The following ILKAP variants were observed in gnomAD, a reference collection of about 807,000 sequenced individuals.
ILKAP encodes ILK associated serine/threonine phosphatase, also known as integrin-linked kinase-associated serine/threonine phosphatase 2C.
A neutral mutation model predicts 49.1 loss-of-function variants in ILKAP; 11 were observed. That is an observed-to-expected ratio of 0.22 (90% CI 0.14 to 0.37). The LOEUF (loss-of-function observed/expected upper bound fraction) is 0.37. ILKAP is among the 10% of genes least tolerant of loss of function. The pLI is 1.00. For synonymous variants in ILKAP, 186 were observed against 192.8 expected (o/e 0.96, Z 0.29); for missense variants, 363 against 510.8 (o/e 0.71, Z 2.79).
chr2:238,178,625 G>C (rs1693567661), intron 9 of ILKAP, among the ~76,000 whole-genome samples: 3 of 152,156 alleles, frequency 2.0e-5, no homozygotes. Context: ...CGTTAAATAT[G>C]AGTAAGAAAT....
At chr2:238,194,637 C>T in intron 2 of ILKAP, 168 bp downstream of exon 2, 1 of 670,580 alleles carries the variant, frequency 1.5e-6, no homozygotes, top group South Asian at 2.1e-5. Context: ...TAGCGACTAG[C>T]AGATTTTTCT....
At chr2:238,181,401 G>A (rs6431587) in intron 9 of ILKAP, among the ~76,000 whole-genome samples, 20,931 of 152,216 alleles carry the variant, frequency 0.14, 1,725 homozygotes, top group Middle Eastern at 0.22. Context: ...GATAGAAGCA[G>A]ATAATAAAAC....
intron 4 of ILKAP, among the ~76,000 whole-genome samples, chr2:238,189,507 A>C (rs1408843709): frequency 1.3e-5 from 2 of 152,202 alleles, no homozygotes; most frequent in Non-Finnish European, 2.9e-5. Flanking sequence ...TCAAAGCACT[A>C]ATTGACAAAC....
intron 3 of ILKAP, among the ~76,000 whole-genome samples, chr2:238,193,650 T>C (rs1047939818): frequency 6.6e-6 from 1 of 152,226 alleles, no homozygotes; most frequent in Non-Finnish European, 1.5e-5. Flanking sequence ...AGAATTCTTA[T>C]ATAAGATGAC....
At chr2:238,187,629 T>G (rs183530569) in intron 5 of ILKAP, among the ~76,000 whole-genome samples, 3 of 152,310 alleles carry the variant, frequency 2.0e-5, no homozygotes, top group Non-Finnish European at 2.9e-5. Context: ...GGGCCCTGAT[T>G]ATCTGTACTA....
At chr2:238,175,089 G>T (rs902913250) in intron 9 of ILKAP, among the ~76,000 whole-genome samples, 2 of 151,854 alleles carry the variant, frequency 1.3e-5, no homozygotes, top group Non-Finnish European at 2.9e-5. Context: ...AGGACAATAT[G>T]AGCAGCACAG....
intron 1 of ILKAP, among the ~76,000 whole-genome samples, chr2:238,196,361 G>A (rs1256693549): frequency 6.6e-6 from 1 of 152,094 alleles, no homozygotes; most frequent in Non-Finnish European, 1.5e-5. Flanking sequence ...AAAGCGCTGG[G>A]ATTACAGGGG....
In ILKAP at chr2:238,200,694, C is replaced by T. The variant is rs550688358; in HGVS notation, c.55+2805G>A. Among the ~76,000 whole-genome samples, 4 of 152,254 alleles carry T rather than the reference C, an allele frequency of 2.6e-5. 1 individual carries two copies. In the South Asian group the frequency reaches 8.3e-4, roughly 32 times the overall value. ...AAAATTAGCTGGCTGTGGTGGTGCGCACCTGTAGTCCCAGCTACCAAGGAG... is the reference window on the plus strand; with the variant it reads ...AAAATTAGCTGGCTGTGGTGGTGCGTACCTGTAGTCCCAGCTACCAAGGAG... On this transcript the variant is annotated intron_variant, in intron 1 of 11. Coordinates refer to ENST00000254654, the MANE Select transcript of ILKAP (RefSeq NM_030768.3).
At chr2:238,194,651 T>C in intron 2 of ILKAP, 154 bp downstream of exon 2, 1 of 751,188 alleles carries the variant, frequency 1.3e-6, no homozygotes, top group Non-Finnish European at 2.2e-6. Context: ...TTTTTCTGCC[T>C]TACCTGATGC....
At chr2:238,186,865 T>C (rs1693929391) in intron 5 of ILKAP, 1 of 152,218 alleles carries the variant, frequency 6.6e-6, no homozygotes, top group Admixed American at 6.5e-5. Flanking sequence ...TCTTACTGCC[T>C]GTTATTTGCA....
chr2:238,175,115 A>G (rs529185186), intron 9 of ILKAP, among the ~76,000 whole-genome samples: 21 of 144,574 alleles, frequency 1.5e-4, no homozygotes, highest in African/African-American at 4.9e-4. Flanking sequence ...GCCATCTCTC[A>G]TTCTCTCTTT....
intron 3 of ILKAP, among the ~76,000 whole-genome samples, chr2:238,191,752 A>G (rs1033257826): frequency 2.6e-5 from 4 of 152,162 alleles, no homozygotes; most frequent in African/African-American, 9.7e-5. Context: ...TAATTAAAAT[A>G]CAAAAAATTA....
At chr2:238,182,243 T>C in intron 8 of ILKAP, 57 bp from the exon 9 acceptor site, 2 of 1,592,800 alleles carry the variant, frequency 1.3e-6, no homozygotes. Flanking sequence ...CATCTAAAGG[T>C]ACCAGTTGAA....
At chr2:238,198,760 T>C (rs1217393233) in intron 1 of ILKAP, among the ~76,000 whole-genome samples, 1 of 152,218 alleles carries the variant, frequency 6.6e-6, no homozygotes, top group Non-Finnish European at 1.5e-5. Context: ...GAGCTAAGTC[T>C]ACTGGAAGTT....
At chr2:238,173,752 G>T in intron 9 of ILKAP, 99 bp from the exon 10 acceptor site, 2 of 1,316,702 alleles carry the variant, frequency 1.5e-6, no homozygotes, top group Middle Eastern at 1.9e-4. Flanking sequence ...AAGTGTGAAA[G>T]ATACAGACTG....
chr2:238,181,167 A>G (rs1693676371), intron 9 of ILKAP, among the ~76,000 whole-genome samples: 1 of 152,252 alleles, frequency 6.6e-6, no homozygotes, highest in African/African-American at 2.4e-5. Context: ...GAGCAATAAA[A>G]AAGGCTTCCC....
chr2:238,187,504 G>GT (rs1283565268), intron 5 of ILKAP, among the ~76,000 whole-genome samples: 1 of 151,998 alleles, frequency 6.6e-6, no homozygotes, highest in Non-Finnish European at 1.5e-5. Context: ...CTACCTTCTG[G>GT]TTTTTTTCCA....
rs551510916 is a variant in ILKAP, at chr2:238,189,633, G to A, written c.298+220C>T. 73 of 350,990 alleles carry A rather than the reference G, an allele frequency of 2.1e-4. 1 individual carries two copies. The South Asian group carries it at 3.1e-3, about 15-fold the overall frequency. 21.7% of individuals were successfully genotyped at this position (350,990 alleles called of 1,614,324 possible). ...TTTTAACTCTTGAGGAACAAATGTAGGTTTCCTATCTGATCAAAGGTAGGA... is the reference window on the plus strand; with the variant it reads ...TTTTAACTCTTGAGGAACAAATGTAAGTTTCCTATCTGATCAAAGGTAGGA... On this transcript the variant is annotated intron_variant, in intron 4 of 11. Transcript: ENST00000254654.
At position 238,195,124 on chromosome 2, in the gene ILKAP, T is replaced by C. The variant is rs1694290843; in HGVS notation, c.56-254A>G. Among the ~76,000 whole-genome samples, 4 of 152,336 alleles carry C rather than the reference T, an allele frequency of 2.6e-5. No individual in the cohort carries two copies. The South Asian group carries it at 8.3e-4, about 32-fold the overall frequency. ...AACAGGCATCTTCAGGGCCACTGAATATTTTGAGGAAAACAAGTATTTTCT... is the reference window on the plus strand; with the variant it reads ...AACAGGCATCTTCAGGGCCACTGAACATTTTGAGGAAAACAAGTATTTTCT... On this transcript the variant is annotated intron_variant, in intron 1 of 11. Coordinates refer to ENST00000254654, the MANE Select transcript of ILKAP (RefSeq NM_030768.3).
Sources: allele counts gnomAD v4.1 joint callset (sites outside exome capture counted in the v4.1 genomes callset), GRCh38; gene constraint gnomAD v4.1.1; transcripts MANE v1.5; gene names NCBI Gene and HGNC (gene_info 2026-07-23, HGNC 2026-07-21).